The following LY96 variants were observed in gnomAD, a reference collection of about 807,000 sequenced individuals.
LY96 encodes lymphocyte antigen 96.
Under a neutral mutation model 18.9 loss-of-function variants are expected in LY96, and 18 were observed. That is an observed-to-expected ratio of 0.95 (90% CI 0.66 to 1.41). The LOEUF (loss-of-function observed/expected upper bound fraction) is 1.41, where lower values mean the gene tolerates loss of function less well. Ranked by LOEUF, LY96 falls within the 40% of genes most tolerant of loss-of-function variation. LY96 has a pLI of 0.00. For synonymous variants in LY96, 66 were observed against 62.6 expected (o/e 1.06, Z -0.26); for missense variants, 175 against 182.4 (o/e 0.96, Z 0.23).
At chr8:74,047,394 A>G in the LY96 span, among the ~76,000 whole-genome samples, 1 of 152,196 alleles carries the variant, frequency 6.6e-6, no homozygotes, top group Non-Finnish European at 1.5e-5. Flanking sequence ...CTGTCCCCAC[A>G]ACTTATGGGT....
At chr8:74,043,921 C>T in the LY96 span, among the ~76,000 whole-genome samples, 1 of 152,146 alleles carries the variant, frequency 6.6e-6, no homozygotes, top group Non-Finnish European at 1.5e-5. Context: ...GCAGCCTCGA[C>T]CTCACAGGCT....
At chr8:74,046,796 C>G in the LY96 span, among the ~76,000 whole-genome samples, 1 of 152,098 alleles carries the variant, frequency 6.6e-6, no homozygotes, top group East Asian at 1.9e-4. Flanking sequence ...TTCCAGCAAT[C>G]CCCCTTCTTT....
the LY96 span, among the ~76,000 whole-genome samples, chr8:74,077,736 A>G: frequency 6.6e-6 from 1 of 151,898 alleles, no homozygotes. Flanking sequence ...TAAAAATTAA[A>G]TATATAAAAA....
the LY96 span, among the ~76,000 whole-genome samples, chr8:74,074,501 G>A: frequency 2.0e-5 from 3 of 151,718 alleles, no homozygotes; most frequent in African/African-American, 7.3e-5. Context: ...ATGCTCTGAT[G>A]TTTATTATTT....
At chr8:74,081,106 T>C in the LY96 span, among the ~76,000 whole-genome samples, 1 of 138,952 alleles carries the variant, frequency 7.2e-6, no homozygotes, top group African/African-American at 2.9e-5. Context: ...TCTTTCTTTC[T>C]TTCTTTCTTT....
At chr8:74,045,217 T>C in the LY96 span, among the ~76,000 whole-genome samples, 1 of 152,174 alleles carries the variant, frequency 6.6e-6, no homozygotes, top group Non-Finnish European at 1.5e-5. Flanking sequence ...AGTCTGGGCA[T>C]TAGAGAGGAT....
chr8:74,057,030 T>C, the LY96 span, among the ~76,000 whole-genome samples: 1 of 152,214 alleles, frequency 6.6e-6, no homozygotes, highest in Non-Finnish European at 1.5e-5. Flanking sequence ...CACTTCCATT[T>C]GCCCCAAGCA....
At chr8:74,054,624 C>CTTTT in the LY96 span, among the ~76,000 whole-genome samples, 319 of 89,172 alleles carry the variant, frequency 3.6e-3, 2 homozygotes, top group African/African-American at 0.015. Flanking sequence ...TTCCTTCTTT[C>CTTTT]TTTCTTTCTT....
At chr8:74,001,315 C>T (rs1443002950) in intron 1 of LY96, among the ~76,000 whole-genome samples, 1 of 151,830 alleles carries the variant, frequency 6.6e-6, no homozygotes, top group Admixed American at 6.6e-5. Context: ...CCTCCACCTC[C>T]TGGGTCTGAG....
chr8:74,038,404 G>A, the LY96 span, among the ~76,000 whole-genome samples: 1 of 152,088 alleles, frequency 6.6e-6, no homozygotes, highest in African/African-American at 2.4e-5. Context: ...GAGTTCAGTT[G>A]TTTTAATTTT....
At chr8:74,087,767 G>A in the LY96 span, among the ~76,000 whole-genome samples, 27 of 152,244 alleles carry the variant, frequency 1.8e-4, no homozygotes, top group South Asian at 5.2e-3. Context: ...TTTAGATGTT[G>A]TCCTTATTTT....
At chr8:74,080,987 T>C in the LY96 span, among the ~76,000 whole-genome samples, 6 of 42,824 alleles carry the variant, frequency 1.4e-4, no homozygotes, top group Admixed American at 1.2e-3. Context: ...TTTCTCTCTC[T>C]TTCTTTCTTT....
the LY96 span, among the ~76,000 whole-genome samples, chr8:74,063,431 T>C: frequency 3.3e-5 from 5 of 152,222 alleles, no homozygotes; most frequent in African/African-American, 4.8e-5. Flanking sequence ...CACCTATATA[T>C]TGATGATCCC....
chr8:74,055,521 A>G, the LY96 span, among the ~76,000 whole-genome samples: 503 of 152,276 alleles, frequency 3.3e-3, 5 homozygotes, highest in African/African-American at 0.011. Flanking sequence ...ACATTATGTG[A>G]CACAAACACG....
the LY96 span, among the ~76,000 whole-genome samples, chr8:74,074,010 G>T: frequency 6.7e-6 from 1 of 149,654 alleles, no homozygotes; most frequent in African/African-American, 2.5e-5. Context: ...GGTTTTGTTT[G>T]TTTTTGAGAC....
At chr8:74,028,041 T>A (rs1486057058) in intron 4 of LY96, among the ~76,000 whole-genome samples, 1 of 152,208 alleles carries the variant, frequency 6.6e-6, no homozygotes, top group Non-Finnish European at 1.5e-5. Flanking sequence ...AGTTATTTTG[T>A]TATGGTTTAA....
At chr8:74,061,107 T>C in the LY96 span, among the ~76,000 whole-genome samples, 1 of 152,238 alleles carries the variant, frequency 6.6e-6, no homozygotes, top group Non-Finnish European at 1.5e-5. Flanking sequence ...GGATCTGGCC[T>C]GCTCCCTTCT....
At chr8:74,055,036 T>C in the LY96 span, among the ~76,000 whole-genome samples, 1 of 151,982 alleles carries the variant, frequency 6.6e-6, no homozygotes, top group South Asian at 2.1e-4. Flanking sequence ...GACTCCTGAG[T>C]AGCTGGCACT....
chr8:74,010,647 A>G (rs187292378), intron 3 of LY96, among the ~76,000 whole-genome samples: 83 of 152,240 alleles, frequency 5.5e-4, no homozygotes, highest in African/African-American at 1.7e-3. Flanking sequence ...CACATCATAC[A>G]TAGTTTTAAG....
Sources: allele counts gnomAD v4.1 joint callset (sites outside exome capture counted in the v4.1 genomes callset), GRCh38; gene constraint gnomAD v4.1.1; transcripts MANE v1.5; gene names NCBI Gene and HGNC (gene_info 2026-07-23, HGNC 2026-07-21).